Variants in ZNF496 observed in about 807,000 individuals in gnomAD.
The protein encoded by ZNF496 is NSD1 (nuclear receptor binding SET-domain containing 1)-interacting zinc finger protein 1.
In ZNF496, 11 loss-of-function variants were observed where a neutral mutation model predicts 58.9. That is an observed-to-expected ratio of 0.19 (90% confidence interval 0.12 to 0.31). The LOEUF (loss-of-function observed/expected upper bound fraction) is 0.31, where lower values mean the gene tolerates loss of function less well. Ranked by LOEUF, ZNF496 falls within the 10% of genes least tolerant of loss-of-function variation. ZNF496 has a pLI of 1.00. For synonymous variants in ZNF496, 338 were observed against 318.2 expected (o/e 1.06, Z -0.66); for missense variants, 660 against 783.0 (o/e 0.84, Z 1.88).
At chr1:247,315,401 A>T (rs575156273) in intron 6 of ZNF496, among the ~76,000 whole-genome samples, 3 of 152,296 alleles carry the variant, frequency 2.0e-5, no homozygotes, top group Admixed American at 2.0e-4. Flanking sequence ...AAAACTAGCC[A>T]CAGCATGACA....
In ZNF496 at chr1:247,298,815, A is replaced by G. The variant is rs1261766830; in HGVS notation, c.*1704T>C. The G allele has an allele frequency of 6.6e-6, 1 of 152,244 alleles. No homozygotes were observed. Among genetic ancestry groups the G allele is most frequent in the Non-Finnish European group, 1.5e-5 (1 of 68,066 alleles). The allele number at this position is 152,244 out of a possible 1,614,324, so 9.4% of individuals were successfully genotyped here. On this transcript the variant is annotated 3_prime_UTR_variant, in exon 10 of 10. Coordinates refer to ENST00000682384, the MANE Select transcript of ZNF496 (RefSeq NM_032752.3). ...AGCCAACATAACCAGTCTTCCAGGA[A>G]CAATACCATGTTTTAAATTGCTTGA...
intron 6 of ZNF496, among the ~76,000 whole-genome samples, chr1:247,314,216 G>A (rs141772333): frequency 1.2e-4 from 19 of 152,022 alleles, no homozygotes; most frequent in Admixed American, 5.9e-4. Flanking sequence ...GAGCCACCAC[G>A]CCTGGCTAAT....
In ZNF496 at chr1:247,310,360, T is replaced by A. The variant is rs766997091; in HGVS notation, c.748A>T (p.Ile250Phe). Residue 250 changes from isoleucine (I) to phenylalanine (F), a missense_variant, in exon 7 of 10, where the codon ATC becomes TTC. By Grantham distance (21) the Ile-to-Phe change is conservative. Transcript: ENST00000682384. Reference protein sequence around the residue: ...PAQTGFYGEFIIGEDYGVSMP... With the variant: ...PAQTGFYGEFFIGEDYGVSMP... ...GAGACCCCGTAATCCTCCCCAATGA[T>A]GAACTCTCCATAGAAGCCAGTCTGG... The A allele has an allele frequency of 6.2e-7, 1 of 1,614,148 alleles. No homozygotes were observed. The highest frequency in any genetic ancestry group is 1.1e-5 in the South Asian group (1 of 91,086).
At chr1:247,307,403 C>T (rs570528070) in intron 9 of ZNF496, 1 of 985,318 alleles carries the variant, frequency 1.0e-6, no homozygotes, top group Non-Finnish European at 1.2e-6. Context: ...GAACATCCAT[C>T]CATCTTCTAA....
In ZNF496 at chr1:247,301,217, C is replaced by G; in HGVS notation, c.1066G>C (p.Val356Leu). 2 of 1,545,812 alleles carry G rather than the reference C, an allele frequency of 1.3e-6. No homozygotes were observed. Among genetic ancestry groups the G allele is most frequent in the Non-Finnish European group, 1.7e-6 (2 of 1,147,102 alleles). Reference protein sequence around the residue: ...SLDEEVTIEIVLSSSGDEDSQ... With the variant: ...SLDEEVTIEILLSSSGDEDSQ... ...TCCTCGTCCCCAGAGCTGGAGAGAA[C>G]GATCTCGATGGTCACTTCTTCATCC... The change falls in exon 10 of 10, where the codon GTT becomes CTT. Residue 356 changes from valine to leucine, a missense_variant. By Grantham distance (32) the Val-to-Leu change is conservative (BLOSUM62 1). Coordinates refer to ENST00000682384, the MANE Select transcript of ZNF496 (RefSeq NM_032752.3).
rs1276127175 is a variant in ZNF496 at position 247,299,596 on chromosome 1, G to A, written c.*923C>T. ...TCTGTTCTGGAGCTTGGCTCACCCA[G>A]ACAGGAGAACCCCTCACTGGGGGCA... On this transcript the variant is annotated 3_prime_UTR_variant, in exon 10 of 10. Coordinates refer to ENST00000682384, the MANE Select transcript of ZNF496 (RefSeq NM_032752.3). 1 of 152,262 alleles carries A rather than the reference G, an allele frequency of 6.6e-6. No individual in the cohort carries two copies. Among genetic ancestry groups the A allele is most frequent in the South Asian group, 2.1e-4 (1 of 4,834 alleles). The allele number at this position is 152,262 out of a possible 1,614,324, so 9.4% of individuals were successfully genotyped here.
At chr1:247,310,672 G>A (rs1383317160) in intron 6 of ZNF496, 1 of 559,562 alleles carries the variant, frequency 1.8e-6, no homozygotes, top group East Asian at 3.0e-5. Flanking sequence ...AAAGACAGGT[G>A]TCTTCTGTGT....
At chr1:247,302,731 CTCG>C (rs774539882) in intron 9 of ZNF496, among the ~76,000 whole-genome samples, 13 of 152,272 alleles carry the variant, frequency 8.5e-5, no homozygotes, top group Middle Eastern at 3.4e-3. Flanking sequence ...CTTGGGTCAT[CTCG>C]TCTACAAGGT....
Position 247,309,301 on chromosome 1 carries a change from G to A in ZNF496, c.892+398C>T, listed in dbSNP as rs1290437471. The A allele has an allele frequency of 6.2e-6, 5 of 802,682 alleles. No homozygotes were observed. The highest frequency in any genetic ancestry group is 2.0e-4 in the East Asian group (2 of 9,878). 49.7% of individuals were successfully genotyped at this position (802,682 alleles called of 1,614,324 possible). Reference sequence around the variant, plus strand: ...CTGTACCAGGCAGATGGGAAGACTAGACAGGTGAGGCACCTCAAAGGGCTG... The same window carrying A: ...CTGTACCAGGCAGATGGGAAGACTAAACAGGTGAGGCACCTCAAAGGGCTG... On this transcript the variant is annotated intron_variant, in intron 8 of 9. Transcript: ENST00000682384. The surrounding 1 kb of genome is among the most constrained non-coding windows in gnomAD (Gnocchi z 4.3).
At position 247,306,301 on chromosome 1, in the gene ZNF496, TTC is replaced by T. The variant is rs576465241; in HGVS notation, c.1006+2172_1006+2173del. Reference sequence around the variant, plus strand: ...ACCTCTACCTCCTGAGTTCAAGCAATTCTCTCTGCCTCAGCCTCCCAAGCAGC... The same window carrying T: ...ACCTCTACCTCCTGAGTTCAAGCAATTCTCTGCCTCAGCCTCCCAAGCAGC... On this transcript the variant is annotated intron_variant, in intron 9 of 9. Coordinates refer to ENST00000682384, the MANE Select transcript of ZNF496 (RefSeq NM_032752.3). Among the ~76,000 whole-genome samples, 576 of 152,120 alleles carry T rather than the reference TTC, an allele frequency of 3.8e-3. 3 individuals carry two copies. The highest frequency in any genetic ancestry group is 0.013 in the African/African-American group (536 of 41,506).
Position 247,308,540 on chromosome 1 carries a change from T to G in ZNF496, c.941A>C (p.Glu314Ala). The part of the protein sequence containing the change: ...PFQVEERRKR[E>A]ELQVPEFQAC... ...CTGGAACTCTGGCACCTGCAGCTCC[T>G]CACGTTTCCTTCTTTCTTCTACCTG... The change falls in exon 9 of 10, where the codon GAG (glutamate) becomes GCG (alanine). Residue 314 changes from glutamate (E) to alanine (A), a missense_variant. Glu to Ala is a moderately radical substitution (Grantham distance 107). Coordinates refer to ENST00000682384, the MANE Select transcript of ZNF496 (RefSeq NM_032752.3). The surrounding 1 kb of genome is among the most constrained non-coding windows in gnomAD (Gnocchi z 4.5). 6.2e-7 allele frequency: 1 copy of G among 1,614,138 alleles called. No individual in the cohort carries two copies. The highest frequency in any genetic ancestry group is 8.5e-7 in the Non-Finnish European group (1 of 1,180,006).
At position 247,300,615 on chromosome 1, in the gene ZNF496, C is replaced by A. The variant is rs368513590; in HGVS notation, c.1668G>T (p.Arg556=). The A allele has an allele frequency of 6.2e-7, 1 of 1,614,116 alleles. No homozygotes were observed. The highest frequency in any genetic ancestry group is 8.5e-7 in the Non-Finnish European group (1 of 1,180,032). ...LKDKARPFQC[R]YCVKSFTQNY... ...TCTGCGTGAAGCTCTTGACGCAGTA[C>A]CGGCACTGGAAGGGCCGGGCTTTGT... The change falls in exon 10 of 10, where the codon CGG becomes CGT. Residue 556 remains arginine (R), a synonymous_variant. Transcript: ENST00000682384. The surrounding 1 kb of genome is among the most constrained non-coding windows in gnomAD (Gnocchi z 5.7).
At chr1:247,304,370 AT>A (rs146250749) in intron 9 of ZNF496, among the ~76,000 whole-genome samples, 43,478 of 141,348 alleles carry the variant, frequency 0.31, 6,808 homozygotes, top group Middle Eastern at 0.51. Context: ...GACCTGCTAG[AT>A]TTTTTTTTTT....
intron 5 of ZNF496, among the ~76,000 whole-genome samples, chr1:247,327,495 G>A (rs561898377): frequency 3.6e-4 from 55 of 152,336 alleles, no homozygotes; most frequent in Non-Finnish European, 4.4e-4. Context: ...CCAGCCTCCT[G>A]AACTGTGAGA....
intron 9 of ZNF496, chr1:247,307,530 C>A: frequency 1.0e-6 from 1 of 985,442 alleles, no homozygotes; most frequent in African/African-American, 1.7e-5. Context: ...CAAATGAATG[C>A]ATCACTCTTG....
chr1:247,308,092 C>T lies in ZNF496; in HGVS notation c.1006+383G>A. 1 of 892,324 alleles carries T rather than the reference C, an allele frequency of 1.1e-6. No individual in the cohort carries two copies. Among genetic ancestry groups the T allele is most frequent in the Non-Finnish European group, 1.3e-6 (1 of 744,990 alleles). The allele number at this position is 892,324 out of a possible 1,614,324, so 55.3% of individuals were successfully genotyped here. On this transcript the variant is annotated intron_variant, in intron 9 of 9. Transcript: ENST00000682384. The surrounding 1 kb of genome is among the most constrained non-coding windows in gnomAD (Gnocchi z 4.5). The stretch of plus-strand genomic sequence containing the variant: ...TACAGCAGCACCCTGCTTTGACACA[C>T]CCTCCCCGGCCCCTGGGAAAGGCAA...
At chr1:247,321,763 T>G (rs148244788) in intron 6 of ZNF496, among the ~76,000 whole-genome samples, 90 of 152,352 alleles carry the variant, frequency 5.9e-4, no homozygotes, top group African/African-American at 2.0e-3. Context: ...CCTTATGTGT[T>G]ATACTGGTTA....
intron 6 of ZNF496, chr1:247,313,543 A>G (rs1179181690): frequency 6.6e-6 from 1 of 152,188 alleles, no homozygotes; most frequent in African/African-American, 2.4e-5. Context: ...CACCACTCCT[A>G]TGGTGCGCTG....
chr1:247,329,214 C>T lies in ZNF496; in HGVS notation c.365G>A (p.Arg122Gln), dbSNP rs367771669. 1.3e-4 allele frequency: 217 copies of T among 1,613,470 alleles called. No homozygotes were observed. Among genetic ancestry groups the T allele is most frequent in the Non-Finnish European group, 1.7e-4 (200 of 1,180,042 alleles). ...CCACTGCCAGGGTCTCCCGGGCTCC[C>T]GTTCCAGTGCCTCCACCGCGGCCAC... is the stretch of plus-strand genomic sequence containing the variant. ...QAVAAVEALE[R>Q]EPGRPWQWLK... The change falls in exon 4 of 10, where the codon CGG (arginine) becomes CAG (glutamine). Residue 122 changes from arginine to glutamine, a missense_variant. Arg to Gln is a conservative substitution (Grantham distance 43). Coordinates refer to ENST00000682384, the MANE Select transcript of ZNF496 (RefSeq NM_032752.3). This position sits in a 1 kb window ranked among gnomAD's most constrained non-coding sequence, Gnocchi z 5.5.
Sources: gnomAD v4.1 joint callset for allele counts (sites outside exome capture counted in the v4.1 genomes callset) on GRCh38, gnomAD v4.1.1 for gene constraint, Gnocchi (gnomAD v3.1) non-coding constraint, MANE v1.5 for transcripts, NCBI Gene and HGNC (gene_info 2026-07-23, HGNC 2026-07-21) for gene names.